The following SPATA4 variants were observed in gnomAD, a reference collection of about 807,000 sequenced individuals.
The protein encoded by SPATA4 is spermatogenesis-associated protein 4.
Under a neutral mutation model 31.8 loss-of-function variants are expected in SPATA4, and 35 were observed. The ratio of observed to expected loss-of-function variants is 1.10; its 90% CI spans 0.84 to 1.46. The LOEUF is 1.46. Ranked by LOEUF, SPATA4 falls within the 40% of genes most tolerant of loss-of-function variation. The pLI is 0.00. For synonymous variants in SPATA4, 126 were observed against 132.4 expected, an observed-to-expected ratio of 0.95 and a Z score of 0.33; for missense variants, 394 against 363.1, an observed-to-expected ratio of 1.09 and a Z score of -0.69.
At chr4:176,193,705 A>G in intron 1 of SPATA4, 123 bp from the exon 2 acceptor site, 1 of 1,056,110 alleles carries the variant, frequency 9.5e-7, no homozygotes, top group Admixed American at 3.2e-5. Flanking sequence ...GTGTTGTTGG[A>G]TCGTTGCTCT....
rs772818436 is a variant in SPATA4 at position 176,195,385 on chromosome 4, G to A, written c.178C>T (p.Gln60Ter). 1 of 1,614,224 alleles carries A rather than the reference G, an allele frequency of 6.2e-7. No homozygotes were observed. Among genetic ancestry groups the A allele is most frequent in the South Asian group, 1.1e-5 (1 of 91,092 alleles). Residue 60 changes from glutamine (Q) to a stop codon, truncating the protein, a stop_gained, in exon 1 of 6, where the codon CAG becomes TAG. Coordinates refer to ENST00000280191, the MANE Select transcript of SPATA4 (RefSeq NM_144644.4). LOFTEE classifies it high-confidence loss of function. ...GGGAAGAAGCTGAGATCCAGACCCT[G>A]AAGCCAACGCAGAACGGAACGAGAC... The part of the protein sequence containing the change: ...RLSRSVLRWL[Q>*]GLDLSFFPRN...
intron 4 of SPATA4, among the ~76,000 whole-genome samples, chr4:176,188,513 TAA>T: frequency 6.6e-6 from 1 of 152,136 alleles, no homozygotes; most frequent in Non-Finnish European, 1.5e-5. Context: ...AAACAAACAG[TAA>T]GTATAATTCA....
rs540887671 is a variant in SPATA4, at chr4:176,193,005, C to A, written c.420G>T (p.Val140=). ...IHGTIHCKAG[V]PEILIEEVYT... is the part of the protein sequence containing the mutation. The stretch of plus-strand genomic sequence containing the variant: ...AAACCTCTTCTATCAATATTTCAGG[C>A]ACTCCAGCTTTACAATGAATTGTTC... Residue 140 remains valine (V), a synonymous_variant, in exon 3 of 6, where the codon GTG becomes GTT. Coordinates refer to ENST00000280191, the MANE Select transcript of SPATA4 (RefSeq NM_144644.4). The A allele has an allele frequency of 1.2e-6, 2 of 1,610,804 alleles. No homozygotes were observed. The highest frequency in any genetic ancestry group is 2.7e-5 in the African/African-American group (2 of 74,868).
intron 4 of SPATA4, among the ~76,000 whole-genome samples, chr4:176,191,511 G>C (rs531139042): frequency 1.3e-5 from 2 of 152,296 alleles, no homozygotes; most frequent in South Asian, 4.1e-4. Flanking sequence ...CATTAGTAAT[G>C]TTCTATTTCT....
At chr4:176,187,799 A>G (rs989999134) in intron 5 of SPATA4, among the ~76,000 whole-genome samples, 4 of 152,148 alleles carry the variant, frequency 2.6e-5, no homozygotes, top group African/African-American at 9.7e-5. Context: ...CTGTCTCAGG[A>G]CTGACTGACT....
rs1752567866 is a variant in SPATA4, at chr4:176,193,597, T to C, written c.219-15A>G. ...TTGAAAAATCTCTGATCCGTGGCAA[T>C]TAGGAAATGAAATAAAGTGTAGTTA... is the stretch of plus-strand genomic sequence containing the variant. On this transcript the variant is annotated splice_polypyrimidine_tract_variant and intron_variant, in intron 1 of 5. Transcript: ENST00000280191. 6.3e-7 allele frequency: 1 copy of C among 1,592,404 alleles called. No individual in the cohort carries two copies. Among genetic ancestry groups the C allele is most frequent in the African/African-American group, 1.3e-5 (1 of 74,108 alleles).
At chr4:176,195,193 T>C (rs991104006) in intron 1 of SPATA4, 152 bp downstream of exon 1, 2 of 637,188 alleles carry the variant, frequency 3.1e-6, no homozygotes, top group African/African-American at 3.7e-5. Flanking sequence ...TAAAGCCTTG[T>C]TCCCTAATAG....
chr4:176,188,204 T>A lies in SPATA4; in HGVS notation c.720A>T (p.Glu240Asp). The A allele has an allele frequency of 6.2e-7, 1 of 1,612,452 alleles. No individual in the cohort carries two copies. Among genetic ancestry groups the A allele is most frequent in the South Asian group, 1.1e-5 (1 of 90,516 alleles). The change falls in exon 5 of 6, where the codon GAA (glutamate) becomes GAT (aspartate). Residue 240 changes from glutamate (E) to aspartate (D), a missense_variant. Coordinates refer to ENST00000280191, the MANE Select transcript of SPATA4 (RefSeq NM_144644.4). The stretch of plus-strand genomic sequence containing the variant: ...GGGCAGGAAGGTGATTGAGAGTAAC[T>A]TCTCCCACTGTTGGTTTCACATCAA... ...EWFDVKPTVG[E>D]VTLNHLPAQA...
At chr4:176,190,515 A>G (rs1263010947) in intron 4 of SPATA4, among the ~76,000 whole-genome samples, 1 of 152,172 alleles carries the variant, frequency 6.6e-6, no homozygotes, top group East Asian at 1.9e-4. Context: ...AAAGCAAGGT[A>G]TTGGCAGGGC....
At chr4:176,192,122 CTTTG>C (rs1161589721) in intron 4 of SPATA4, among the ~76,000 whole-genome samples, 2 of 152,178 alleles carry the variant, frequency 1.3e-5, no homozygotes, top group Admixed American at 1.3e-4. Flanking sequence ...ATGGCAAATG[CTTTG>C]TTTGGGTACT....
At chr4:176,187,509 CAGG>C (rs1224120753) in intron 5 of SPATA4, among the ~76,000 whole-genome samples, 3 of 152,020 alleles carry the variant, frequency 2.0e-5, no homozygotes, top group Non-Finnish European at 4.4e-5. Context: ...GAGGCTGAGT[CAGG>C]AGAATCGCTT....
intron 1 of SPATA4, 27 bp downstream of exon 1, chr4:176,195,318 G>A (rs775683040): frequency 1.2e-6 from 2 of 1,608,948 alleles, no homozygotes; most frequent in Middle Eastern, 1.7e-4. Flanking sequence ...CCCACCGGGG[G>A]GGCCTAGGAC....
chr4:176,184,712 G>T lies in SPATA4; in HGVS notation c.*68C>A. 1.2e-6 allele frequency: 1 copy of T among 838,808 alleles called. No individual in the cohort carries two copies. Among genetic ancestry groups the T allele is most frequent in the Non-Finnish European group, 1.8e-6 (1 of 541,252 alleles). The allele number at this position is 838,808 out of a possible 1,614,324, so 52.0% of individuals were successfully genotyped here. ...TATTGAAATACATCCAATACTAGGT[G>T]ATTCTGTTTCTTTATTATGGCTAGA... On this transcript the variant is annotated 3_prime_UTR_variant, in exon 6 of 6. Transcript: ENST00000280191.
chr4:176,188,847 A>G (rs1389906883), intron 4 of SPATA4, among the ~76,000 whole-genome samples: 1 of 152,174 alleles, frequency 6.6e-6, no homozygotes, highest in Non-Finnish European at 1.5e-5. Flanking sequence ...TCTGCAACTC[A>G]TCCTTCACTG....
chr4:176,189,894 C>T (rs763217881), intron 4 of SPATA4, among the ~76,000 whole-genome samples: 1 of 152,188 alleles, frequency 6.6e-6, no homozygotes, highest in Admixed American at 6.5e-5. Context: ...TTCAGCAAGA[C>T]CCCTGTCTCA....
At chr4:176,188,094 T>C (rs1579294306) in intron 5 of SPATA4, 25 bp downstream of exon 5, 3 of 1,529,384 alleles carry the variant, frequency 2.0e-6, no homozygotes, top group Admixed American at 3.5e-5. Context: ...AAATCAATTT[T>C]AAGAAGCAAA....
chr4:176,194,667 G>T (rs1392653281), intron 1 of SPATA4: 1 of 150,574 alleles, frequency 6.6e-6, no homozygotes, highest in Non-Finnish European at 1.5e-5. Flanking sequence ...AAACTTGTTG[G>T]TAACTCTCAA....
intron 5 of SPATA4, among the ~76,000 whole-genome samples, chr4:176,186,035 A>G (rs896940323): frequency 6.6e-6 from 1 of 152,238 alleles, no homozygotes; most frequent in Non-Finnish European, 1.5e-5. Context: ...TTGTAAAAGC[A>G]AAAATTCATT....
intron 5 of SPATA4, 51 bp downstream of exon 5, chr4:176,188,068 A>G (rs17671894): frequency 0.028 from 37,902 of 1,330,852 alleles, 686 homozygotes; most frequent in Non-Finnish European, 0.034. Context: ...TTAATTGAAG[A>G]AAGTCAAGCA....
Sources: allele counts gnomAD v4.1 joint callset (sites outside exome capture counted in the v4.1 genomes callset), GRCh38; gene constraint gnomAD v4.1.1; transcripts MANE v1.5; gene names NCBI Gene and HGNC (gene_info 2026-07-23, HGNC 2026-07-21).